The following KCNE1 variants were observed in gnomAD, a reference collection of about 807,000 sequenced individuals.
KCNE1 encodes potassium voltage-gated channel subfamily E regulatory subunit 1, also known as potassium voltage-gated channel subfamily E member 1.
Under a neutral mutation model 2.9 loss-of-function variants are expected in KCNE1, and 1 was observed. The observed-to-expected ratio is 0.34, with a 90% CI of 0.12 to 1.62. The LOEUF is 1.62. Ranked by LOEUF, KCNE1 falls within the 40% of genes most tolerant of loss-of-function variation. The pLI, the probability that KCNE1 is intolerant of heterozygous loss-of-function variation, is 0.36. For missense variants in KCNE1, 45 were observed against 150.5 expected, an observed-to-expected ratio of 0.30 and a Z score of 3.67; for synonymous variants, 23 against 65.4, an observed-to-expected ratio of 0.35 and a Z score of 3.13.
At chr21:34,498,486 C>T (rs1982943977) in intron 2 of KCNE1, among the ~76,000 whole-genome samples, 1 of 152,210 alleles carries the variant, frequency 6.6e-6, no homozygotes, top group Non-Finnish European at 1.5e-5. Context: ...GGTCTAGCCA[C>T]CCAGTGGGGT....
chr21:34,496,623 A>G (rs965450226), intron 2 of KCNE1, among the ~76,000 whole-genome samples: 1 of 152,168 alleles, frequency 6.6e-6, no homozygotes, highest in Non-Finnish European at 1.5e-5. Context: ...GACGAAAAGA[A>G]TGTTTATTCT....
At chr21:34,496,787 C>G (rs1196172706) in intron 2 of KCNE1, among the ~76,000 whole-genome samples, 1 of 152,058 alleles carries the variant, frequency 6.6e-6, no homozygotes, top group African/African-American at 2.4e-5. Context: ...TATCATGTTG[C>G]CATCTATCTA....
chr21:34,497,065 G>C (rs1250234833), intron 2 of KCNE1, among the ~76,000 whole-genome samples: 1 of 152,072 alleles, frequency 6.6e-6, no homozygotes, highest in African/African-American at 2.4e-5. Context: ...TATGTGTCTG[G>C]TGAGTCTCTT....
intron 2 of KCNE1, among the ~76,000 whole-genome samples, chr21:34,497,461 A>C (rs1449612932): frequency 6.6e-6 from 1 of 152,190 alleles, no homozygotes; most frequent in African/African-American, 2.4e-5. Context: ...CCTGGATACA[A>C]AATTCTTGGT....
At chr21:34,503,185 G>A (rs1042621800) in intron 2 of KCNE1, among the ~76,000 whole-genome samples, 4 of 152,112 alleles carry the variant, frequency 2.6e-5, no homozygotes, top group Non-Finnish European at 4.4e-5. Flanking sequence ...TACAAATTGA[G>A]GTTCCTACAA....
At chr21:34,501,199 G>A (rs749508749) in intron 2 of KCNE1, among the ~76,000 whole-genome samples, 3 of 152,218 alleles carry the variant, frequency 2.0e-5, no homozygotes, top group Admixed American at 6.5e-5. Context: ...CATGAAGAGG[G>A]TTGAGGGACT....
At chr21:34,498,840 AGATGGT>A in intron 2 of KCNE1, among the ~76,000 whole-genome samples, 1 of 152,204 alleles carries the variant, frequency 6.6e-6, no homozygotes, top group Non-Finnish European at 1.5e-5. Flanking sequence ...TCCAGCCAAG[AGATGGT>A]GCTTTCAAGA....
At chr21:34,501,314 C>A (rs1028728675) in intron 2 of KCNE1, among the ~76,000 whole-genome samples, 26 of 152,268 alleles carry the variant, frequency 1.7e-4, no homozygotes, top group African/African-American at 6.0e-4. Flanking sequence ...AGGGTCTCCA[C>A]CTTCTTAAAC....
chr21:34,499,187 A>G (rs1416036603), intron 2 of KCNE1, among the ~76,000 whole-genome samples: 1 of 152,144 alleles, frequency 6.6e-6, no homozygotes, highest in Admixed American at 6.5e-5. Flanking sequence ...GGAAAGCAAT[A>G]GGCCTCACCC....
chr21:34,500,980 G>A (rs1983134212), intron 2 of KCNE1, among the ~76,000 whole-genome samples: 1 of 152,184 alleles, frequency 6.6e-6, no homozygotes, highest in Non-Finnish European at 1.5e-5. Flanking sequence ...GAGTGGATAA[G>A]GAAGGTAAGA....
chr21:34,498,473 C>G (rs916038621), intron 2 of KCNE1, among the ~76,000 whole-genome samples: 2 of 152,222 alleles, frequency 1.3e-5, no homozygotes, highest in African/African-American at 4.8e-5. Context: ...AATTGTTCTT[C>G]TGGGTCTAGC....
At chr21:34,506,658 T>C (rs1001350502) in intron 2 of KCNE1, among the ~76,000 whole-genome samples, 2 of 152,218 alleles carry the variant, frequency 1.3e-5, no homozygotes, top group African/African-American at 2.4e-5. Flanking sequence ...AAATATTTAT[T>C]GAGTGACTAT....
chr21:34,507,199 G>A (rs1436164473), intron 2 of KCNE1, among the ~76,000 whole-genome samples: 1 of 152,054 alleles, frequency 6.6e-6, no homozygotes, highest in Non-Finnish European at 1.5e-5. Context: ...AATGATGGGG[G>A]CTGAATTAAG....
Position 34,501,626 on chromosome 21 carries a change from T to G in KCNE1, c.-162+9475A>C, listed in dbSNP as rs535590744. On this transcript the variant is annotated intron_variant, in intron 2 of 3. Coordinates refer to ENST00000399286, the MANE Select transcript of KCNE1 (RefSeq NM_000219.6). ...GGTGGATGAGAAGGTTTATAGTTTT[T>G]GGGTCCAAGAGGTGGTGGTTGGTTA... Among the ~76,000 whole-genome samples, 7 of 152,158 alleles carry G rather than the reference T, an allele frequency of 4.6e-5. No homozygotes were observed. In the South Asian group the frequency reaches 1.5e-3, roughly 32 times the overall value.
At chr21:34,502,885 A>G (rs954140973) in intron 2 of KCNE1, among the ~76,000 whole-genome samples, 11 of 152,162 alleles carry the variant, frequency 7.2e-5, no homozygotes, top group Admixed American at 2.0e-4. Context: ...CATGACTTCT[A>G]TTAGAGATAG....
intron 2 of KCNE1, among the ~76,000 whole-genome samples, chr21:34,502,057 G>C (rs968325404): frequency 1.3e-5 from 2 of 152,196 alleles, no homozygotes; most frequent in Non-Finnish European, 2.9e-5. Context: ...GGACAGAGGA[G>C]ATGGACTGCA....
chr21:34,508,643 T>A (rs1983648796), intron 2 of KCNE1, among the ~76,000 whole-genome samples: 1 of 152,198 alleles, frequency 6.6e-6, no homozygotes, highest in Non-Finnish European at 1.5e-5. Flanking sequence ...GCGCCCAGAC[T>A]GGGGTTTTTT....
rs975752618 is a variant in KCNE1, at chr21:34,511,831, TC to T, written c.-377+195del. Reference sequence around the variant, plus strand: ...ATTTTAGGAGGTGGGCAACCCTTTCTCCCCCTTCTCCATGTGCTTCTGCAGT... The same window carrying T: ...ATTTTAGGAGGTGGGCAACCCTTTCTCCCCTTCTCCATGTGCTTCTGCAGT... On this transcript the variant is annotated intron_variant, in intron 1 of 3. Coordinates refer to ENST00000399286, the MANE Select transcript of KCNE1 (RefSeq NM_000219.6). Among the ~76,000 whole-genome samples the T allele has an allele frequency of 5.9e-5, 9 of 152,240 alleles. No individual in the cohort carries two copies. The East Asian group carries it at 1.4e-3, about 23-fold the overall frequency.
intron 2 of KCNE1, chr21:34,510,787 A>G (rs2834501): frequency 0.24 from 36,632 of 152,460 alleles, 4,947 homozygotes; most frequent in East Asian, 0.59. Flanking sequence ...GCCCAGGATC[A>G]CCTTCCTTGA....
Sources: allele counts gnomAD v4.1 joint callset (sites outside exome capture counted in the v4.1 genomes callset), GRCh38; gene constraint gnomAD v4.1.1; transcripts MANE v1.5; gene names NCBI Gene and HGNC (gene_info 2026-07-23, HGNC 2026-07-21).